Variants in TMPRSS2 observed in about 807,000 individuals in gnomAD.
TMPRSS2 encodes the protein transmembrane serine protease 2.
A neutral mutation model predicts 67.4 loss-of-function variants in TMPRSS2; 59 were observed. The ratio of observed to expected loss-of-function variants is 0.88; its 90% CI spans 0.71 to 1.09. The LOEUF (loss-of-function observed/expected upper bound fraction) is 1.09. TMPRSS2 is among the 50% of genes least tolerant of loss of function. The pLI, the probability that TMPRSS2 is intolerant of heterozygous loss-of-function variation, is 0.00. For missense variants in TMPRSS2, 668 were observed against 642.7 expected (o/e 1.04, Z -0.43); for synonymous variants, 257 against 257.0 (o/e 1.00, Z 0.00).
chr21:41,479,589 A>C (rs2091241129), intron 6 of TMPRSS2, among the ~76,000 whole-genome samples: 1 of 152,200 alleles, frequency 6.6e-6, no homozygotes, highest in Non-Finnish European at 1.5e-5. Flanking sequence ...AAAGGTACAG[A>C]TGTTAACATG....
At chr21:41,507,992 G>A in intron 1 of TMPRSS2, 89 bp downstream of exon 1, 1 of 1,400,304 alleles carries the variant, frequency 7.1e-7, no homozygotes, top group Non-Finnish European at 9.2e-7. Flanking sequence ...CCTCCGGGCG[G>A]GGCAGGGGGC....
chr21:41,491,239 C>A (rs1173190507), intron 3 of TMPRSS2, among the ~76,000 whole-genome samples: 1 of 150,576 alleles, frequency 6.6e-6, no homozygotes, highest in Non-Finnish European at 1.5e-5. Flanking sequence ...TCACTGCAGC[C>A]TCCACCTCCT....
At chr21:41,507,858 C>T (rs1488872802) in intron 1 of TMPRSS2, 8 of 1,393,338 alleles carry the variant, frequency 5.7e-6, no homozygotes, top group South Asian at 2.8e-5. Context: ...CTCGGCCGTG[C>T]GCAAGGGGTC....
intron 2 of TMPRSS2, among the ~76,000 whole-genome samples, chr21:41,496,188 G>A (rs963962693): frequency 6.6e-6 from 1 of 152,186 alleles, no homozygotes; most frequent in Admixed American, 6.5e-5. Context: ...CCCTCCCGCT[G>A]CCAGCGAGAC....
intron 6 of TMPRSS2, among the ~76,000 whole-genome samples, 160 bp from the exon 7 acceptor site, chr21:41,479,442 G>A (rs1485873966): frequency 1.3e-5 from 2 of 152,160 alleles, no homozygotes; most frequent in African/African-American, 4.8e-5. Flanking sequence ...CTAGAATATT[G>A]TAACGATTTT....
At chr21:41,471,721 C>A in intron 10 of TMPRSS2, 85 bp downstream of exon 10, 1 of 1,455,304 alleles carries the variant, frequency 6.9e-7, no homozygotes, top group Non-Finnish European at 9.3e-7. Context: ...GCCTCCCTTC[C>A]ATTTGGCATA....
In TMPRSS2 at chr21:41,472,179, C is replaced by A. The variant is rs543253134; in HGVS notation, c.900-198G>T. Among the ~76,000 whole-genome samples, 220 of 151,352 alleles carry A rather than the reference C, an allele frequency of 1.5e-3. 1 individual carries two copies. The highest frequency in any genetic ancestry group is 5.0e-3 in the African/African-American group (205 of 41,148). On this transcript the variant is annotated intron_variant, in intron 9 of 13. Coordinates refer to ENST00000332149, the MANE Select transcript of TMPRSS2 (RefSeq NM_005656.4). ...CCCCAACCCCGACTCCCTGCCTCAG[C>A]CCCCCACATCATCCTTCTTTCTGGC...
At chr21:41,498,801 C>T (rs778652470) in intron 1 of TMPRSS2, among the ~76,000 whole-genome samples, 10 of 152,150 alleles carry the variant, frequency 6.6e-5, no homozygotes, top group Admixed American at 2.0e-4. Context: ...CTGGAAGTGT[C>T]GATGTGTGAG....
At chr21:41,489,444 G>C in intron 4 of TMPRSS2, 63 bp downstream of exon 4, 2 of 1,423,460 alleles carry the variant, frequency 1.4e-6, no homozygotes, top group South Asian at 2.4e-5. Context: ...AGAGAGCAGG[G>C]TCTGGCTCAG....
At chr21:41,466,660 A>G (rs2091087207) in intron 13 of TMPRSS2, among the ~76,000 whole-genome samples, 1 of 152,166 alleles carries the variant, frequency 6.6e-6, no homozygotes, top group African/African-American at 2.4e-5. Context: ...GAAGGCCCTG[A>G]GTCCCGCGTG....
rs143680939 is a variant in TMPRSS2, at chr21:41,464,558, GAA to G, written c.*1582_*1583del. The G allele has an allele frequency of 3.7e-5, 8 of 218,048 alleles. No individual in the cohort carries two copies. The highest frequency in any genetic ancestry group is 4.6e-5 in the Non-Finnish European group (5 of 109,184). The allele number at this position is 218,048 out of a possible 1,614,324, so 13.5% of individuals were successfully genotyped here. ...ACTTCAAAGATGCAGTAGTTACTTT[GAA>G]AAAAAAATTGCATAATTTATTTGCA... On this transcript the variant is annotated 3_prime_UTR_variant, in exon 14 of 14. Coordinates refer to ENST00000332149, the MANE Select transcript of TMPRSS2 (RefSeq NM_005656.4).
chr21:41,476,707 T>C lies in TMPRSS2; in HGVS notation c.684-87A>G, dbSNP rs1461244655. The C allele has an allele frequency of 5.9e-6, 7 of 1,179,910 alleles. No individual in the cohort carries two copies. The East Asian group carries it at 1.4e-4, about 24-fold the overall frequency. 73.1% of individuals were successfully genotyped at this position (1,179,910 alleles called of 1,614,324 possible). A position where few individuals can be genotyped will look rare whatever the true frequency, so the allele number is the denominator to read the frequency against. On this transcript the variant is annotated intron_variant, in intron 7 of 13. Coordinates refer to ENST00000332149, the MANE Select transcript of TMPRSS2 (RefSeq NM_005656.4). ...CTTAGAAATCAGTCATTTCTTCCGA[T>C]GTTCCCTCTCCTGTCTTCTGAGACA... is the stretch of plus-strand genomic sequence containing the variant.
intron 1 of TMPRSS2, among the ~76,000 whole-genome samples, chr21:41,503,370 G>C (rs1359642103): frequency 6.6e-6 from 1 of 152,184 alleles, no homozygotes; most frequent in East Asian, 1.9e-4. Context: ...TAAAGAACTT[G>C]TCCAAGTCAA....
At chr21:41,507,995 C>CT (rs2091470979) in intron 1 of TMPRSS2, 86 bp downstream of exon 1, 2 of 1,397,702 alleles carry the variant, frequency 1.4e-6, no homozygotes. Flanking sequence ...CCGGGCGGGG[C>CT]AGGGGGCATC....
intron 2 of TMPRSS2, among the ~76,000 whole-genome samples, chr21:41,496,166 G>A (rs969609073): frequency 1.3e-5 from 2 of 152,120 alleles, no homozygotes; most frequent in Non-Finnish European, 2.9e-5. Flanking sequence ...CTCCTTGAGC[G>A]CTCACCATAA....
At chr21:41,470,557 A>T in intron 11 of TMPRSS2, 91 bp downstream of exon 11, 2 of 1,196,292 alleles carry the variant, frequency 1.7e-6, no homozygotes, top group South Asian at 1.4e-5. Context: ...ATTGAGTAGT[A>T]GAACTGGGAT....
chr21:41,489,029 G>T (rs928104467), intron 4 of TMPRSS2, among the ~76,000 whole-genome samples: 92 of 152,172 alleles, frequency 6.0e-4, no homozygotes, highest in African/African-American at 2.1e-3. Flanking sequence ...TTCCGTGGGG[G>T]CAATGGGAAG....
chr21:41,484,967 A>G (rs2091284724), intron 5 of TMPRSS2, among the ~76,000 whole-genome samples: 1 of 152,188 alleles, frequency 6.6e-6, no homozygotes, highest in African/African-American at 2.4e-5. Context: ...ATGGTAACGC[A>G]GAAATACCTG....
chr21:41,470,747 T>C lies in TMPRSS2; in HGVS notation c.1076-4A>G. 1 of 1,612,724 alleles carries C rather than the reference T, an allele frequency of 6.2e-7. No homozygotes were observed. Among genetic ancestry groups the C allele is most frequent in the Non-Finnish European group, 8.5e-7 (1 of 1,179,814 alleles). ...AGACACACTGGTTTCACTAGGTCTGTTTCAAGAAGAGAAAACACAGTGAGC... is the reference window on the plus strand; with the variant it reads ...AGACACACTGGTTTCACTAGGTCTGCTTCAAGAAGAGAAAACACAGTGAGC... On this transcript the variant is annotated splice_region_variant and splice_polypyrimidine_tract_variant and intron_variant, in intron 10 of 13. Coordinates refer to ENST00000332149, the MANE Select transcript of TMPRSS2 (RefSeq NM_005656.4).
Sources: gnomAD v4.1 joint callset for allele counts (sites outside exome capture counted in the v4.1 genomes callset) on GRCh38, gnomAD v4.1.1 for gene constraint, MANE v1.5 for transcripts, NCBI Gene and HGNC (gene_info 2026-07-23, HGNC 2026-07-21) for gene names.